SDK1: variants seen among roughly 807,000 people sequenced by gnomAD.
The protein encoded by SDK1 is sidekick cell adhesion molecule 1.
In SDK1, 157 loss-of-function variants were observed where a neutral mutation model predicts 245.5. The ratio of observed to expected loss-of-function variants is 0.64; its 90% CI spans 0.56 to 0.73. The LOEUF is 0.73. Among genes scored for constraint, SDK1 ranks in the 30% least tolerant of loss-of-function variants. The probability of loss-of-function intolerance (pLI) is 0.00; values close to 1 mark genes in which losing one functional copy is unlikely to be tolerated. For synonymous variants in SDK1, 1,647 were observed against 1,278.5 expected, an observed-to-expected ratio of 1.29 and a Z score of -6.15; for missense variants, 3,583 against 3,002.3, an observed-to-expected ratio of 1.19 and a Z score of -4.52.
intron 4 of SDK1, among the ~76,000 whole-genome samples, chr7:3,660,313 G>A (rs573879904): frequency 1.3e-3 from 192 of 152,158 alleles, no homozygotes; most frequent in Non-Finnish European, 2.4e-3. Context: ...CCACCAAGAA[G>A]AGAGCTTTTC....
chr7:3,456,100 T>C lies in SDK1; in HGVS notation c.298+154216T>C, dbSNP rs1363969743. Among the ~76,000 whole-genome samples the C allele has an allele frequency of 2.6e-5, 4 of 152,246 alleles. No homozygotes were observed. In the East Asian group the frequency reaches 7.7e-4, roughly 29 times the overall value. ...GTTTCTGTTGAGAAGTCTGCTATTA[T>C]TTGAATTGTTATTCCTCTATAAGTA... On this transcript the variant is annotated intron_variant, in intron 1 of 44. Transcript: ENST00000404826.
chr7:3,666,362 C>G (rs1187389434), intron 4 of SDK1, among the ~76,000 whole-genome samples: 1 of 152,162 alleles, frequency 6.6e-6, no homozygotes, highest in Non-Finnish European at 1.5e-5. Context: ...TTGCACATGC[C>G]GTCCCCCTGC....
At chr7:3,495,662 G>A (rs913475009) in intron 1 of SDK1, among the ~76,000 whole-genome samples, 2 of 152,204 alleles carry the variant, frequency 1.3e-5, no homozygotes, top group Non-Finnish European at 2.9e-5. Flanking sequence ...TTCCCATAAA[G>A]ACTGTCACCA....
chr7:4,098,695 G>C (rs1055760858), intron 22 of SDK1, among the ~76,000 whole-genome samples: 1 of 151,750 alleles, frequency 6.6e-6, no homozygotes, highest in Non-Finnish European at 1.5e-5. Flanking sequence ...ATAGGGTCTC[G>C]CTCTGTCACC....
intron 4 of SDK1, among the ~76,000 whole-genome samples, chr7:3,680,875 G>A (rs146133042): frequency 0.049 from 7,376 of 152,020 alleles, 239 homozygotes; most frequent in African/African-American, 0.082. Flanking sequence ...ATGGAGTCTC[G>A]CTCTGTTGCC....
intron 44 of SDK1, among the ~76,000 whole-genome samples, chr7:4,254,852 A>G (rs970290672): frequency 7.2e-5 from 11 of 152,124 alleles, no homozygotes; most frequent in African/African-American, 2.4e-4. Context: ...AGTCTTGGGC[A>G]ATGCATAGAG....
intron 35 of SDK1, among the ~76,000 whole-genome samples, chr7:4,191,599 G>A (rs951899128): frequency 6.6e-6 from 1 of 152,250 alleles, no homozygotes; most frequent in African/African-American, 2.4e-5. Flanking sequence ...CTGAGGTACG[G>A]GCCTGCCCTT....
At chr7:3,346,823 ATATATTTTTTT>A (rs1780516874) in intron 1 of SDK1, among the ~76,000 whole-genome samples, 1 of 28,250 alleles carries the variant, frequency 3.5e-5, no homozygotes, top group African/African-American at 1.4e-4. Context: ...ATATATATAT[ATATATTTTTTT>A]TTTTTTTTTT....
At chr7:4,005,887 C>T (rs557028979) in intron 14 of SDK1, among the ~76,000 whole-genome samples, 161 of 152,150 alleles carry the variant, frequency 1.1e-3, no homozygotes, top group African/African-American at 3.8e-3. Context: ...AAAAATTAGC[C>T]GGGCACGGTG....
intron 1 of SDK1, among the ~76,000 whole-genome samples, chr7:3,552,341 G>C (rs536164252): frequency 2.0e-5 from 3 of 152,234 alleles, no homozygotes; most frequent in South Asian, 4.1e-4. Flanking sequence ...GCGCCCAGCT[G>C]ATTTTACTCT....
At chr7:3,394,701 T>C (rs1234354698) in intron 1 of SDK1, among the ~76,000 whole-genome samples, 1 of 152,112 alleles carries the variant, frequency 6.6e-6, no homozygotes, top group Non-Finnish European at 1.5e-5. Context: ...TTCAAAGCTT[T>C]ATAATTTTTA....
In SDK1 at chr7:3,987,255, C is replaced by T. The variant is rs750980782; in HGVS notation, c.2064C>T (p.Leu688=). The T allele has an allele frequency of 1.1e-5, 17 of 1,614,094 alleles. No homozygotes were observed. In the Admixed American group the frequency reaches 1.8e-4, roughly 17 times the overall value. Residue 688 remains leucine (L), a synonymous_variant, in exon 14 of 45, where the codon CTC becomes CTT. Coordinates refer to ENST00000404826, the MANE Select transcript of SDK1 (RefSeq NM_152744.4). ...CTTCCCACAGCCACGCCGTGGTGCT[C>T]TCTTGGGTCCGGCCCTTTGATGGAA... The part of the protein sequence containing the change: ...PNSSHSHAVV[L]SWVRPFDGNS...
At chr7:3,314,613 A>G (rs1289905077) in intron 1 of SDK1, among the ~76,000 whole-genome samples, 1 of 152,216 alleles carries the variant, frequency 6.6e-6, no homozygotes, top group Non-Finnish European at 1.5e-5. Context: ...TTTGAAAATT[A>G]CTTATATCTG....
intron 1 of SDK1, among the ~76,000 whole-genome samples, chr7:3,473,323 C>A (rs775014467): frequency 6.6e-6 from 1 of 152,200 alleles, no homozygotes; most frequent in Non-Finnish European, 1.5e-5. Context: ...ATTAGAAGAA[C>A]AGGTAGAAAA....
intron 4 of SDK1, among the ~76,000 whole-genome samples, chr7:3,773,714 C>G (rs1361064782): frequency 6.6e-6 from 1 of 151,944 alleles, no homozygotes; most frequent in Non-Finnish European, 1.5e-5. Flanking sequence ...TTTTGTTTTG[C>G]TGGTTGTTGT....
intron 1 of SDK1, among the ~76,000 whole-genome samples, chr7:3,536,074 T>C (rs1778876895): frequency 6.7e-6 from 1 of 149,476 alleles, no homozygotes; most frequent in South Asian, 2.1e-4. Flanking sequence ...TTTTTTTTTC[T>C]TAGACGGAGT....
At chr7:3,521,998 T>C (rs567718158) in intron 1 of SDK1, among the ~76,000 whole-genome samples, 2 of 152,076 alleles carry the variant, frequency 1.3e-5, no homozygotes, top group African/African-American at 4.8e-5. Flanking sequence ...GCATACGATA[T>C]GGGGTTTGGG....
At chr7:3,916,652 A>ATG (rs1319917458) in intron 5 of SDK1, among the ~76,000 whole-genome samples, 1 of 152,146 alleles carries the variant, frequency 6.6e-6, no homozygotes, top group Non-Finnish European at 1.5e-5. Context: ...TTGCCTCTGT[A>ATG]TGTGTGTGTG....
At chr7:4,150,597 G>A (rs6965907) in intron 30 of SDK1, among the ~76,000 whole-genome samples, 10,491 of 152,270 alleles carry the variant, frequency 0.069, 847 homozygotes, top group African/African-American at 0.2. Context: ...AGCCATCCTC[G>A]TCTTCGAGGC....
Sources: allele counts gnomAD v4.1 joint callset (sites outside exome capture counted in the v4.1 genomes callset), GRCh38; gene constraint gnomAD v4.1.1; transcripts MANE v1.5; gene names NCBI Gene and HGNC (gene_info 2026-07-23, HGNC 2026-07-21).